The following MGMT variants were observed in gnomAD, a reference collection of about 807,000 sequenced individuals.
The protein encoded by MGMT is methylated-DNA--protein-cysteine methyltransferase.
MGMT carries 14 observed loss-of-function variants against 15.9 expected under a neutral mutation model. The observed-to-expected ratio is 0.88, with a 90% CI of 0.58 to 1.37. The LOEUF (loss-of-function observed/expected upper bound fraction) is 1.37. Among genes scored for constraint, MGMT ranks in the 40% most tolerant of loss-of-function variants. The pLI is 0.00. For synonymous variants in MGMT, 130 were observed against 118.2 expected (o/e 1.10, Z -0.65); for missense variants, 282 against 268.1 (o/e 1.05, Z -0.36).
intron 1 of MGMT, among the ~76,000 whole-genome samples, chr10:129,523,238 C>T (rs918935890): frequency 1.3e-5 from 2 of 152,248 alleles, no homozygotes; most frequent in Non-Finnish European, 2.9e-5. Flanking sequence ...AGACCCGGGC[C>T]AGAGCCCTGT....
chr10:129,689,603 A>G (rs777810781), intron 2 of MGMT, among the ~76,000 whole-genome samples: 2 of 152,198 alleles, frequency 1.3e-5, no homozygotes, highest in Non-Finnish European at 2.9e-5. Flanking sequence ...ACAAGCACAC[A>G]CCCTTTCTCT....
In MGMT at chr10:129,509,332, G is replaced by A. The variant is rs1001902686; in HGVS notation, c.-12-26909G>A. Among the ~76,000 whole-genome samples the A allele has an allele frequency of 4.0e-4, 61 of 152,150 alleles. 1 individual carries two copies. Among genetic ancestry groups the A allele is most frequent in the Admixed American group, 3.3e-3 (51 of 15,280 alleles). On this transcript the variant is annotated intron_variant, in intron 1 of 4. Coordinates refer to ENST00000651593, the MANE Select transcript of MGMT (RefSeq NM_002412.5). ...CCATGATAGTCCCGCCCCTCGAGAC[G>A]ACATGCAGGATTGCACCTTCCACGC...
chr10:129,523,515 A>T (rs1360905780), intron 1 of MGMT, among the ~76,000 whole-genome samples: 1 of 152,030 alleles, frequency 6.6e-6, no homozygotes, highest in African/African-American at 2.4e-5. Context: ...GCTTGAAGAG[A>T]TTCATAGGCG....
chr10:129,575,471 G>A (rs1435969938), intron 2 of MGMT, among the ~76,000 whole-genome samples: 3 of 150,320 alleles, frequency 2.0e-5, no homozygotes, highest in African/African-American at 4.9e-5. Flanking sequence ...AAATAAAGAT[G>A]TTCTTTGAAA....
chr10:129,553,054 G>A (rs1320778329), intron 2 of MGMT, among the ~76,000 whole-genome samples: 1 of 152,182 alleles, frequency 6.6e-6, no homozygotes, highest in Non-Finnish European at 1.5e-5. Flanking sequence ...CCACCACGAT[G>A]TCTCCTCTTA....
intron 1 of MGMT, among the ~76,000 whole-genome samples, chr10:129,512,436 C>A (rs1286161011): frequency 6.6e-6 from 1 of 152,114 alleles, no homozygotes; most frequent in Non-Finnish European, 1.5e-5. Context: ...GTGTTCAACA[C>A]CCTAGAGTCA....
chr10:129,597,788 T>C (rs59257696), intron 2 of MGMT, among the ~76,000 whole-genome samples: 6,661 of 152,298 alleles, frequency 0.044, 381 homozygotes, highest in African/African-American at 0.13. Context: ...AAGTGTGACA[T>C]ACTTCCTATC....
intron 2 of MGMT, among the ~76,000 whole-genome samples, chr10:129,588,216 C>T (rs188828981): frequency 3.3e-5 from 5 of 152,258 alleles, no homozygotes; most frequent in East Asian, 1.9e-4. Context: ...GAAAGAGACT[C>T]GCAGCCTCAG....
chr10:129,511,386 C>T (rs750522092), intron 1 of MGMT, among the ~76,000 whole-genome samples: 12 of 151,510 alleles, frequency 7.9e-5, no homozygotes, highest in Non-Finnish European at 1.3e-4. Flanking sequence ...AACCCGTATA[C>T]CAGATGCAGC....
intron 2 of MGMT, among the ~76,000 whole-genome samples, chr10:129,569,399 T>G (rs1357265144): frequency 6.6e-6 from 1 of 152,134 alleles, no homozygotes; most frequent in African/African-American, 2.4e-5. Context: ...TGTCCTCGGG[T>G]TAGCTGCCCT....
chr10:129,592,356 G>A (rs557087186), intron 2 of MGMT, among the ~76,000 whole-genome samples: 1 of 152,208 alleles, frequency 6.6e-6, no homozygotes. Flanking sequence ...TTTAAACAAC[G>A]TTTTGCTGAT....
At chr10:129,587,385 T>A (rs771098521) in intron 2 of MGMT, among the ~76,000 whole-genome samples, 4 of 150,878 alleles carry the variant, frequency 2.7e-5, no homozygotes, top group African/African-American at 4.9e-5. Context: ...ACTAATCTTT[T>A]CTTCTGCAAT....
At position 129,646,754 on chromosome 10, in the gene MGMT, A is replaced by ATATATATTTTTTTTTTTTTTTTTT; in HGVS notation, c.126-61140_126-61139insATATATTTTTTTTTTTTTTTTTTT. ...TATATATATATATATATATATATAT[A>ATATATATTTTTTTTTTTTTTTTTT]TTTTCAGGGAATGGTAGAGAACAGT... is the stretch of plus-strand genomic sequence containing the variant. On this transcript the variant is annotated intron_variant, in intron 2 of 4. Coordinates refer to ENST00000651593, the MANE Select transcript of MGMT (RefSeq NM_002412.5). Among the ~76,000 whole-genome samples the ATATATATTTTTTTTTTTTTTTTTT allele has an allele frequency of 6.4e-4, 55 of 86,606 alleles. 1 individual carries two copies. The highest frequency in any genetic ancestry group is 1.2e-3 in the Non-Finnish European group (46 of 38,866). 56.8% of individuals were successfully genotyped at this position (86,606 alleles called of 152,430 possible).
intron 4 of MGMT, among the ~76,000 whole-genome samples, chr10:129,765,492 G>A (rs948530519): frequency 2.6e-5 from 4 of 152,222 alleles, no homozygotes; most frequent in African/African-American, 9.6e-5. Context: ...TCACCTTTCT[G>A]AGCCAGCTGA....
At chr10:129,739,846 C>T (rs565881190) in intron 3 of MGMT, among the ~76,000 whole-genome samples, 1 of 152,204 alleles carries the variant, frequency 6.6e-6, no homozygotes, top group African/African-American at 2.4e-5. Context: ...ACAATTCTTC[C>T]AGTATGGCTC....
intron 2 of MGMT, among the ~76,000 whole-genome samples, chr10:129,671,017 T>G (rs1177620130): frequency 6.6e-6 from 1 of 152,200 alleles, no homozygotes; most frequent in Non-Finnish European, 1.5e-5. Flanking sequence ...TATGTGATAA[T>G]CCTCCTTCTG....
At chr10:129,617,876 C>T (rs1371701365) in intron 2 of MGMT, among the ~76,000 whole-genome samples, 2 of 150,814 alleles carry the variant, frequency 1.3e-5, no homozygotes, top group African/African-American at 4.8e-5. Context: ...GCTTCTTATG[C>T]AAGCACCCAG....
intron 3 of MGMT, among the ~76,000 whole-genome samples, chr10:129,746,216 G>C (rs1358923190): frequency 6.7e-6 from 1 of 148,296 alleles, no homozygotes; most frequent in East Asian, 2.0e-4. Context: ...TCCAGCCTAG[G>C]GGACAGAGCG....
At chr10:129,518,365 C>A (rs1001970830) in intron 1 of MGMT, among the ~76,000 whole-genome samples, 2 of 150,308 alleles carry the variant, frequency 1.3e-5, no homozygotes, top group African/African-American at 2.5e-5. Context: ...CACACACACA[C>A]ACACACACAT....
Sources: allele counts gnomAD v4.1 joint callset (sites outside exome capture counted in the v4.1 genomes callset), GRCh38; gene constraint gnomAD v4.1.1; transcripts MANE v1.5; gene names NCBI Gene and HGNC (gene_info 2026-07-23, HGNC 2026-07-21).